CFAP299: variants seen among roughly 807,000 people sequenced by gnomAD.
CFAP299 encodes the protein cilia and flagella associated protein 299.
Under a neutral mutation model 27.0 loss-of-function variants are expected in CFAP299, and 21 were observed. The ratio of observed to expected loss-of-function variants is 0.78; its 90% CI spans 0.55 to 1.12. CFAP299 has a LOEUF of 1.12. CFAP299 is among the 50% of genes most tolerant of loss of function. The pLI is 0.00. For synonymous variants in CFAP299, 104 were observed against 98.1 expected (o/e 1.06, Z -0.36); for missense variants, 310 against 276.6 (o/e 1.12, Z -0.86).
chr4:80,482,342 A>G (rs1730606237), intron 2 of CFAP299, among the ~76,000 whole-genome samples: 2 of 152,106 alleles, frequency 1.3e-5, no homozygotes. Context: ...ATTTAATAAC[A>G]TCACCCATAA....
chr4:80,449,222 C>T (rs1728779501), intron 2 of CFAP299, among the ~76,000 whole-genome samples: 1 of 151,914 alleles, frequency 6.6e-6, no homozygotes, highest in Admixed American at 6.6e-5. Context: ...TTATTTGAAT[C>T]ACCATGTTTT....
intron 2 of CFAP299, among the ~76,000 whole-genome samples, chr4:80,498,838 T>A (rs1483254425): frequency 6.6e-6 from 1 of 152,150 alleles, no homozygotes; most frequent in East Asian, 1.9e-4. Context: ...ATACATGGAA[T>A]CAATCTAAAT....
chr4:80,632,074 C>T (rs1471713722), intron 3 of CFAP299, among the ~76,000 whole-genome samples: 1 of 151,954 alleles, frequency 6.6e-6, no homozygotes. Flanking sequence ...AATGCTGGCA[C>T]CCTGATCTTA....
chr4:80,857,561 T>G (rs185642266), intron 3 of CFAP299, among the ~76,000 whole-genome samples: 192 of 152,346 alleles, frequency 1.3e-3, no homozygotes, highest in African/African-American at 4.3e-3. Flanking sequence ...ATAGCTGTTA[T>G]TATTTTGAGA....
chr4:80,842,260 T>G (rs1730903122), intron 3 of CFAP299, among the ~76,000 whole-genome samples: 1 of 152,178 alleles, frequency 6.6e-6, no homozygotes, highest in Admixed American at 6.6e-5. Context: ...CCAAGTCATC[T>G]AATAGTTTTA....
chr4:80,944,421 G>C (rs1167360365), intron 4 of CFAP299, among the ~76,000 whole-genome samples: 1 of 152,136 alleles, frequency 6.6e-6, no homozygotes, highest in African/African-American at 2.4e-5. Flanking sequence ...GAATTGTTTT[G>C]AATGAAAAGA....
chr4:80,798,290 C>A (rs962387807), intron 3 of CFAP299, among the ~76,000 whole-genome samples: 1 of 152,036 alleles, frequency 6.6e-6, no homozygotes, highest in Non-Finnish European at 1.5e-5. Flanking sequence ...TGGCCTCAGG[C>A]AGTACAGGGT....
intron 2 of CFAP299, among the ~76,000 whole-genome samples, chr4:80,525,124 C>T (rs990395942): frequency 2.6e-5 from 4 of 152,056 alleles, no homozygotes; most frequent in African/African-American, 9.7e-5. Context: ...GCAAAAGTAC[C>T]TCTTTTTCTG....
chr4:80,375,281 G>A (rs1724347568), intron 2 of CFAP299, among the ~76,000 whole-genome samples: 1 of 152,138 alleles, frequency 6.6e-6, no homozygotes, highest in South Asian at 2.1e-4. Context: ...GGGCATCAAT[G>A]CAATTTAACA....
chr4:80,323,663 TAATA>T, the CFAP299 span, among the ~76,000 whole-genome samples: 1 of 152,212 alleles, frequency 6.6e-6, no homozygotes, highest in African/African-American at 2.4e-5. Flanking sequence ...TTATAATGGT[TAATA>T]AATTATATAA....
intron 3 of CFAP299, among the ~76,000 whole-genome samples, chr4:80,653,975 A>G (rs1321996217): frequency 6.6e-6 from 1 of 152,088 alleles, no homozygotes; most frequent in Non-Finnish European, 1.5e-5. Flanking sequence ...TATGCATATC[A>G]TGCTAATATA....
intron 2 of CFAP299, among the ~76,000 whole-genome samples, chr4:80,438,539 C>T (rs1299920501): frequency 6.6e-6 from 1 of 152,150 alleles, no homozygotes; most frequent in Non-Finnish European, 1.5e-5. Flanking sequence ...TTTCTTTCTC[C>T]ACTAATTTGA....
chr4:80,888,709 C>CAT lies in CFAP299; in HGVS notation c.476+18577_476+18578dup, dbSNP rs1370766894. ...TCATGGATCATTCTCAAGAATAGAC[C>CAT]ATATGTTAGGTCACAAAACAAGTAT... On this transcript the variant is annotated intron_variant, in intron 4 of 5. Coordinates refer to ENST00000358105, the MANE Select transcript of CFAP299 (RefSeq NM_152770.3). 4.0e-5 allele frequency among the ~76,000 whole-genome samples: 6 copies of CAT among 151,864 alleles called. No homozygotes were observed. The East Asian group carries it at 7.7e-4, about 20-fold the overall frequency.
At chr4:80,372,624 C>A (rs1010497107) in intron 2 of CFAP299, among the ~76,000 whole-genome samples, 1 of 152,124 alleles carries the variant, frequency 6.6e-6, no homozygotes, top group Non-Finnish European at 1.5e-5. Context: ...GGCAGGCCCC[C>A]AGAGCTTTGT....
rs70944772 is a variant in CFAP299 at position 80,355,354 on chromosome 4, C to CTTT, written c.112-7381_112-7379dup. 8.4e-3 allele frequency among the ~76,000 whole-genome samples: 806 copies of CTTT among 95,444 alleles called. 11 individuals carry two copies. Among genetic ancestry groups the CTTT allele is most frequent in the Non-Finnish European group, 0.011 (601 of 52,490 alleles). The allele number at this position is 95,444 out of a possible 152,430, so 62.6% of individuals were successfully genotyped here. A position where few individuals can be genotyped will look rare whatever the true frequency, so the allele number is the denominator to read the frequency against. ...TTTTGAAAAGTGTTCATGTCCTTTGCTTTTTTTTTTTTTTTTTTTTTGAGA... is the reference window on the plus strand; with the variant it reads ...TTTTGAAAAGTGTTCATGTCCTTTGCTTTTTTTTTTTTTTTTTTTTTTTTGAGA... On this transcript the variant is annotated intron_variant, in intron 1 of 5. Coordinates refer to ENST00000358105, the MANE Select transcript of CFAP299 (RefSeq NM_152770.3).
In CFAP299 at chr4:80,366,990, T is replaced by C. The variant is rs142969483; in HGVS notation, c.242+4106T>C. On this transcript the variant is annotated intron_variant, in intron 2 of 5. Coordinates refer to ENST00000358105, the MANE Select transcript of CFAP299 (RefSeq NM_152770.3). Reference sequence around the variant, plus strand: ...ACTGCATGATACCATTTATATAAAATGTCCAGTATCAGTAAATCTATAGAG... The same window carrying C: ...ACTGCATGATACCATTTATATAAAACGTCCAGTATCAGTAAATCTATAGAG... Among the ~76,000 whole-genome samples, 251 of 152,300 alleles carry C rather than the reference T, an allele frequency of 1.6e-3. 2 individuals are homozygous for C. In the East Asian group the frequency reaches 0.022, roughly 13 times the overall value.
In CFAP299 at chr4:80,916,295, A is replaced by ATT. The variant is rs1553906005; in HGVS notation, c.477-28513_477-28512dup. 1.5e-3 allele frequency among the ~76,000 whole-genome samples: 187 copies of ATT among 125,448 alleles called. 1 individual carries two copies. Among genetic ancestry groups the ATT allele is most frequent in the African/African-American group, 5.5e-3 (173 of 31,426 alleles). 82.3% of individuals were successfully genotyped at this position (125,448 alleles called of 152,430 possible). ...TATATATATATATATATATATATATATTTCAGGTACAGATCATCTGTTCCT... is the reference window on the plus strand; with the variant it reads ...TATATATATATATATATATATATATATTTTTCAGGTACAGATCATCTGTTCCT... On this transcript the variant is annotated intron_variant, in intron 4 of 5. Coordinates refer to ENST00000358105, the MANE Select transcript of CFAP299 (RefSeq NM_152770.3).
intron 3 of CFAP299, among the ~76,000 whole-genome samples, chr4:80,597,652 G>T (rs561941526): frequency 1.3e-4 from 20 of 151,648 alleles, no homozygotes; most frequent in African/African-American, 2.4e-5. Flanking sequence ...AAGTTTTATT[G>T]TTTTTATGTT....
At chr4:80,828,451 C>T (rs1054895867) in intron 3 of CFAP299, among the ~76,000 whole-genome samples, 1 of 152,022 alleles carries the variant, frequency 6.6e-6, no homozygotes, top group Non-Finnish European at 1.5e-5. Flanking sequence ...ATATTCCTCC[C>T]CACCTAAATC....
Sources: allele counts gnomAD v4.1 joint callset (sites outside exome capture counted in the v4.1 genomes callset), GRCh38; gene constraint gnomAD v4.1.1; transcripts MANE v1.5; gene names NCBI Gene and HGNC (gene_info 2026-07-23, HGNC 2026-07-21).